The following IRAK3 variants were observed in gnomAD, a reference collection of about 807,000 sequenced individuals.
IRAK3 encodes the protein interleukin-1 receptor-associated kinase 3.
A neutral mutation model predicts 56.6 loss-of-function variants in IRAK3; 57 were observed. The observed-to-expected ratio is 1.01, with a 90% CI of 0.81 to 1.26. The LOEUF is 1.26. IRAK3 is among the 50% of genes most tolerant of loss of function. The pLI is 0.00. For missense variants in IRAK3, 703 were observed against 719.0 expected (o/e 0.98, Z 0.25); for synonymous variants, 258 against 255.7 (o/e 1.01, Z -0.09).
At chr12:66,203,624 G>C in intron 1 of IRAK3, 87 bp from the exon 2 acceptor site, 1 of 1,165,360 alleles carries the variant, frequency 8.6e-7, no homozygotes, top group Non-Finnish European at 1.3e-6. Flanking sequence ...TTATAAATAA[G>C]AGGAAATAAA....
chr12:66,194,690 G>A (rs544847894), intron 1 of IRAK3, among the ~76,000 whole-genome samples: 6 of 152,100 alleles, frequency 3.9e-5, no homozygotes, highest in South Asian at 2.1e-4. Flanking sequence ...TTAGCCGGGC[G>A]TGGTGGCAGG....
chr12:66,191,295 A>C (rs2136908814), intron 1 of IRAK3, among the ~76,000 whole-genome samples: 1 of 152,260 alleles, frequency 6.6e-6, no homozygotes, highest in African/African-American at 2.4e-5. Context: ...TAATTATTCA[A>C]GTCCTGGCCA....
intron 6 of IRAK3, among the ~76,000 whole-genome samples, chr12:66,221,264 T>C (rs1451712466): frequency 2.6e-5 from 4 of 152,240 alleles, no homozygotes; most frequent in African/African-American, 9.6e-5. Context: ...TAACAGTTTT[T>C]TTGGTGGAGT....
rs781726324 is a variant in IRAK3 at position 66,254,173 on chromosome 12, T to C, written c.*6002T>C. ...ATGTTGATACACCTTTACCCAGCAG[T>C]TTGTTTAGGAATTTATCCTAATGAA... On this transcript the variant is annotated 3_prime_UTR_variant, in exon 12 of 12. Coordinates refer to ENST00000261233, the MANE Select transcript of IRAK3 (RefSeq NM_007199.3). The C allele has an allele frequency of 1.3e-5, 2 of 152,128 alleles. No individual in the cohort carries two copies. Among genetic ancestry groups the C allele is most frequent in the Non-Finnish European group, 2.9e-5 (2 of 68,010 alleles). 9.4% of individuals were successfully genotyped at this position (152,128 alleles called of 1,614,324 possible).
At chr12:66,202,302 C>T (rs915103417) in intron 1 of IRAK3, among the ~76,000 whole-genome samples, 1 of 152,084 alleles carries the variant, frequency 6.6e-6, no homozygotes, top group Non-Finnish European at 1.5e-5. Flanking sequence ...ACCCTGGCCA[C>T]AATGAGCAAT....
intron 8 of IRAK3, among the ~76,000 whole-genome samples, chr12:66,235,625 A>G (rs1428383071): frequency 2.0e-5 from 3 of 149,248 alleles, no homozygotes; most frequent in Non-Finnish European, 4.4e-5. Context: ...GCGTCCTCCG[A>G]TATTATTAAG....
At chr12:66,190,684 A>G (rs2052390854) in intron 1 of IRAK3, among the ~76,000 whole-genome samples, 1 of 152,196 alleles carries the variant, frequency 6.6e-6, no homozygotes, top group African/African-American at 2.4e-5. Context: ...GGCTTGTCTC[A>G]TATAACTTCT....
At chr12:66,225,554 GA>G (rs1324261555) in intron 6 of IRAK3, among the ~76,000 whole-genome samples, 1 of 151,840 alleles carries the variant, frequency 6.6e-6, no homozygotes, top group African/African-American at 2.4e-5. Context: ...CTTTTTTACA[GA>G]TTTATTTTAA....
rs771973190 is a variant in IRAK3 at position 66,247,671 on chromosome 12, G to T, written c.1315-24G>T. On this transcript the variant is annotated intron_variant, in intron 11 of 11. Transcript: ENST00000261233. ...AAAGATTATTCAAACTTAATTTAAT[G>T]TCTGTTTGCTTCTTTGTTATTAGGT... is the stretch of plus-strand genomic sequence containing the variant. 4 of 1,367,048 alleles carry T rather than the reference G, an allele frequency of 2.9e-6. No homozygotes were observed. The African/African-American group carries it at 5.7e-5, about 20-fold the overall frequency. The allele number at this position is 1,367,048 out of a possible 1,614,324, so 84.7% of individuals were successfully genotyped here. A position where few individuals can be genotyped will look rare whatever the true frequency, so the allele number is the denominator to read the frequency against.
intron 5 of IRAK3, among the ~76,000 whole-genome samples, chr12:66,212,715 A>G (rs532642844): frequency 1.3e-5 from 2 of 152,344 alleles, no homozygotes; most frequent in South Asian, 2.1e-4. Flanking sequence ...GAATGAGTTC[A>G]TGTCCTTTGT....
intron 8 of IRAK3, among the ~76,000 whole-genome samples, chr12:66,240,815 C>A (rs931445841): frequency 1.4e-5 from 2 of 148,028 alleles, no homozygotes; most frequent in African/African-American, 4.9e-5. Context: ...TATATATATA[C>A]CCACATATAT....
At chr12:66,203,936 G>A (rs1190042365) in intron 2 of IRAK3, 43 bp downstream of exon 2, 2 of 1,496,892 alleles carry the variant, frequency 1.3e-6, no homozygotes, top group Admixed American at 3.3e-5. Context: ...TCTGTAATAG[G>A]AACTGTAATT....
chr12:66,241,283 G>A (rs561766175), intron 8 of IRAK3, among the ~76,000 whole-genome samples: 1 of 152,224 alleles, frequency 6.6e-6, no homozygotes, highest in East Asian at 1.9e-4. Flanking sequence ...AGAACAAATC[G>A]ATTGTAGAAG....
At chr12:66,196,217 CTTGGCACAGAGCAGGCACTCAGT>C (rs2052451807) in intron 1 of IRAK3, among the ~76,000 whole-genome samples, 1 of 151,984 alleles carries the variant, frequency 6.6e-6, no homozygotes, top group South Asian at 2.1e-4. Flanking sequence ...GAAAATTGTA[CTTGGCACAGAGCAGGCACTCAGT>C]AAATATGTAC....
chr12:66,215,669 T>G (rs1181844679), intron 5 of IRAK3, among the ~76,000 whole-genome samples: 1 of 152,202 alleles, frequency 6.6e-6, no homozygotes, highest in Admixed American at 6.5e-5. Flanking sequence ...TACCAAGGTG[T>G]GTACAAAGTC....
rs923716224 is a variant in IRAK3, at chr12:66,251,653, C to T, written c.*3482C>T. ...TTGGGAGTTGTAATGATCTGTGACT[C>T]ACTGCATAATATTGTAGTTTTATAG... On this transcript the variant is annotated 3_prime_UTR_variant, in exon 12 of 12. Coordinates refer to ENST00000261233, the MANE Select transcript of IRAK3 (RefSeq NM_007199.3). The T allele has an allele frequency of 2.6e-5, 4 of 152,156 alleles. No individual in the cohort carries two copies. The highest frequency in any genetic ancestry group is 9.7e-5 in the African/African-American group (4 of 41,422). 9.4% of individuals were successfully genotyped at this position (152,156 alleles called of 1,614,324 possible). A position where few individuals can be genotyped will look rare whatever the true frequency, so the allele number is the denominator to read the frequency against.
intron 2 of IRAK3, among the ~76,000 whole-genome samples, chr12:66,204,778 GCACACACACACACACA>G (rs59511601): frequency 3.4e-5 from 5 of 147,922 alleles, no homozygotes; most frequent in East Asian, 2.0e-4. Flanking sequence ...GAGCCCTTGC[GCACACACACACACACA>G]CACACACACA....
At position 66,211,575 on chromosome 12, in the gene IRAK3, A is replaced by G. The variant is rs2136925132; in HGVS notation, c.566A>G (p.Tyr189Cys). Residue 189 changes from tyrosine to cysteine, a missense_variant, in exon 5 of 12, where the codon TAT becomes TGT. Transcript: ENST00000261233. ...AGAGTGGAGATTCAAAACCTAACAT[A>G]TGCTGTCAAATTATTTAAACAGGTA... ...VYRVEIQNLT[Y>C]AVKLFKQEKK... is the part of the protein sequence containing the mutation. 1 of 1,611,730 alleles carries G rather than the reference A, an allele frequency of 6.2e-7. No homozygotes were observed. The highest frequency in any genetic ancestry group is 8.5e-7 in the Non-Finnish European group (1 of 1,177,976).
At position 66,209,512 on chromosome 12, in the gene IRAK3, T is replaced by G. The variant is rs755086629; in HGVS notation, c.373T>G (p.Leu125Val). The G allele has an allele frequency of 1.9e-6, 3 of 1,570,170 alleles. No homozygotes were observed. The highest frequency in any genetic ancestry group is 1.3e-5 in the African/African-American group (1 of 74,118). Residue 125 changes from leucine (L) to valine (V), a missense_variant, in exon 3 of 12, where the codon TTA becomes GTA. Transcript: ENST00000261233. Reference sequence around the variant, plus strand: ...TCAGGAAGGTGGATTTCCAAATATATTATTCAAGGTAGAGTATGTGTGCAT... The same window carrying G: ...TCAGGAAGGTGGATTTCCAAATATAGTATTCAAGGTAGAGTATGTGTGCAT... ...SYQEGGFPNI[L>V]FKETANVTVD...
Sources: allele counts gnomAD v4.1 joint callset (sites outside exome capture counted in the v4.1 genomes callset), GRCh38; gene constraint gnomAD v4.1.1; transcripts MANE v1.5; gene names NCBI Gene and HGNC (gene_info 2026-07-23, HGNC 2026-07-21).